The following ZNF438 variants were observed in gnomAD, a reference collection of about 807,000 sequenced individuals.
ZNF438 encodes zinc finger protein 438.
Under a neutral mutation model 38.0 loss-of-function variants are expected in ZNF438, and 25 were observed. That is an observed-to-expected ratio of 0.66 (90% CI 0.48 to 0.92). The LOEUF (loss-of-function observed/expected upper bound fraction) is 0.92, where lower values mean the gene tolerates loss of function less well. ZNF438 is among the 40% of genes least tolerant of loss of function. ZNF438 has a pLI of 0.00. For missense variants in ZNF438, 1,007 were observed against 999.6 expected (o/e 1.01, Z -0.10); for synonymous variants, 372 against 364.1 (o/e 1.02, Z -0.25).
chr10:30,965,584 AAAT>A (rs957626491), intron 1 of ZNF438, among the ~76,000 whole-genome samples: 2 of 152,344 alleles, frequency 1.3e-5, no homozygotes, highest in South Asian at 2.1e-4. Flanking sequence ...AGCCATAAAA[AAAT>A]AAAATCATGT....
chr10:30,994,938 G>A (rs1378560794), intron 1 of ZNF438, among the ~76,000 whole-genome samples: 1 of 151,986 alleles, frequency 6.6e-6, no homozygotes, highest in Non-Finnish European at 1.5e-5. Flanking sequence ...AGGCTGAGGT[G>A]GGAGGACTGC....
At chr10:31,030,029 T>G (rs930531139) in intron 1 of ZNF438, among the ~76,000 whole-genome samples, 2 of 152,260 alleles carry the variant, frequency 1.3e-5, no homozygotes, top group Admixed American at 6.5e-5. Context: ...GCCTCATCTA[T>G]GAAAGGGAGA....
chr10:30,937,248 T>C (rs553922987), intron 2 of ZNF438, among the ~76,000 whole-genome samples: 21 of 152,358 alleles, frequency 1.4e-4, no homozygotes, highest in Non-Finnish European at 2.5e-4. Flanking sequence ...ACAGGTGCTG[T>C]AGTCAGGAGG....
chr10:30,990,152 G>A, intron 1 of ZNF438, among the ~76,000 whole-genome samples: 1 of 152,054 alleles, frequency 6.6e-6, no homozygotes, highest in East Asian at 1.9e-4. Flanking sequence ...AGAGATGATA[G>A]AGAACCAATT....
intron 1 of ZNF438, among the ~76,000 whole-genome samples, chr10:30,978,819 A>C (rs932986847): frequency 6.6e-6 from 1 of 152,234 alleles, no homozygotes; most frequent in Non-Finnish European, 1.5e-5. Context: ...TCAAAATGGT[A>C]AATGAACATT....
At chr10:30,851,114 C>CA (rs1228076670) in intron 4 of ZNF438, among the ~76,000 whole-genome samples, 2 of 152,030 alleles carry the variant, frequency 1.3e-5, no homozygotes, top group African/African-American at 2.4e-5. Flanking sequence ...AAATGTTGAA[C>CA]AAAAAACAGA....
At chr10:30,980,343 C>T (rs982217287) in intron 1 of ZNF438, among the ~76,000 whole-genome samples, 34 of 150,872 alleles carry the variant, frequency 2.3e-4, no homozygotes, top group Middle Eastern at 3.5e-3. Context: ...GGTTAGAAGA[C>T]GATATTATCA....
intron 3 of ZNF438, among the ~76,000 whole-genome samples, chr10:30,889,597 G>T (rs2040421574): frequency 6.6e-6 from 1 of 152,160 alleles, no homozygotes; most frequent in Non-Finnish European, 1.5e-5. Context: ...GTAGAGATGG[G>T]GTTTCACCAT....
At chr10:30,845,246 C>T in exon 6 of ZNF438, 1 of 1,614,134 alleles carries the variant, frequency 6.2e-7, no homozygotes. Flanking sequence ...CCACGCCATT[C>T]TGATGAAGGT....
At chr10:30,954,300 A>T (rs1322289420) in intron 1 of ZNF438, among the ~76,000 whole-genome samples, 1 of 152,176 alleles carries the variant, frequency 6.6e-6, no homozygotes, top group Admixed American at 6.5e-5. Flanking sequence ...TTAGAGGAAA[A>T]TTTTTAAAGA....
In ZNF438 at chr10:30,868,013, T is replaced by G. The variant is rs925322642; in HGVS notation, c.37+8985A>C. On this transcript the variant is annotated intron_variant, in intron 4 of 5. Coordinates refer to ENST00000413025, the Ensembl canonical transcript of ZNF438. ...TTTCCCCCAATTTTAAGAAATATCA[T>G]CACAAGATACTCTTGGTAGTATATA... Among the ~76,000 whole-genome samples the G allele has an allele frequency of 2.0e-5, 3 of 152,088 alleles. No individual in the cohort carries two copies. In the East Asian group the frequency reaches 5.8e-4, roughly 29 times the overall value.
chr10:31,003,882 CATAA>C (rs1028676117), intron 1 of ZNF438, among the ~76,000 whole-genome samples: 84 of 152,172 alleles, frequency 5.5e-4, no homozygotes, highest in African/African-American at 1.9e-3. Flanking sequence ...AATGCAAGAT[CATAA>C]ATAATCTAAA....
At chr10:30,991,405 C>T (rs2053481103) in intron 1 of ZNF438, among the ~76,000 whole-genome samples, 1 of 152,212 alleles carries the variant, frequency 6.6e-6, no homozygotes, top group South Asian at 2.1e-4. Flanking sequence ...AAACACTGGG[C>T]TTCTATCACT....
intron 1 of ZNF438, among the ~76,000 whole-genome samples, chr10:30,948,119 G>A (rs1414974976): frequency 6.6e-6 from 1 of 151,944 alleles, no homozygotes; most frequent in Non-Finnish European, 1.5e-5. Context: ...TAACTGGGAG[G>A]CACCCCCCAG....
At position 30,894,883 on chromosome 10, in the gene ZNF438, C is replaced by T. The variant is rs184715600; in HGVS notation, c.-32+14050G>A. Among the ~76,000 whole-genome samples the T allele has an allele frequency of 2.4e-3, 372 of 152,228 alleles. 1 individual carries two copies. Among genetic ancestry groups the T allele is most frequent in the African/African-American group, 8.4e-3 (350 of 41,542 alleles). On this transcript the variant is annotated intron_variant, in intron 3 of 5. Transcript: ENST00000413025. Reference sequence around the variant, plus strand: ...ATAACTACTAATTGGTATAAATGGCCATGTTGCTAGTCAACTTCAATAGTT... The same window carrying T: ...ATAACTACTAATTGGTATAAATGGCTATGTTGCTAGTCAACTTCAATAGTT...
At chr10:30,845,876 C>T (rs11816302) in intron 5 of ZNF438, among the ~76,000 whole-genome samples, 8,269 of 152,254 alleles carry the variant, frequency 0.054, 797 homozygotes, top group African/African-American at 0.19. Flanking sequence ...GGAGCAATCA[C>T]GTGGAAGAGT....
chr10:30,849,242 T>G (rs1290568353), exon 5 of ZNF438: 2 of 1,614,104 alleles, frequency 1.2e-6, no homozygotes, highest in African/African-American at 1.3e-5. Context: ...ATCTGGTACC[T>G]TCCGTTTTCT....
chr10:30,971,890 C>A (rs1459954856), intron 1 of ZNF438, among the ~76,000 whole-genome samples: 1 of 152,016 alleles, frequency 6.6e-6, no homozygotes, highest in Non-Finnish European at 1.5e-5. Flanking sequence ...AACAGTTTCA[C>A]ATAAAAAGAT....
chr10:30,905,047 A>G (rs945385208), intron 3 of ZNF438, among the ~76,000 whole-genome samples: 2 of 152,154 alleles, frequency 1.3e-5, no homozygotes, highest in Non-Finnish European at 2.9e-5. Context: ...ACAGTAACAG[A>G]CCATCTAGGA....
Sources: allele counts gnomAD v4.1 joint callset (sites outside exome capture counted in the v4.1 genomes callset), GRCh38; gene constraint gnomAD v4.1.1; transcripts MANE v1.5; gene names NCBI Gene and HGNC (gene_info 2026-07-23, HGNC 2026-07-21).